GPR155: variants seen among roughly 807,000 people sequenced by gnomAD.
The protein encoded by GPR155 is lysosomal cholesterol signaling protein.
Under a neutral mutation model 93.1 loss-of-function variants are expected in GPR155, and 65 were observed. The ratio of observed to expected loss-of-function variants is 0.70; its 90% confidence interval spans 0.57 to 0.86. The LOEUF (loss-of-function observed/expected upper bound fraction) is 0.86. Among genes scored for constraint, GPR155 ranks in the 40% least tolerant of loss-of-function variants. The pLI, the probability that GPR155 is intolerant of heterozygous loss-of-function variation, is 0.00. For synonymous variants in GPR155, 319 were observed against 360.1 expected (o/e 0.89, Z 1.29); for missense variants, 838 against 1,034.8 (o/e 0.81, Z 2.61).
Position 174,473,145 on chromosome 2 carries a change from A to T in GPR155, c.680T>A (p.Ile227Asn). The T allele has an allele frequency of 1.9e-6, 3 of 1,611,894 alleles. No individual in the cohort carries two copies. Among genetic ancestry groups the T allele is most frequent in the Non-Finnish European group, 2.5e-6 (3 of 1,179,460 alleles). ...NPIVFMVFIG[I>N]AFNFILDRKV... ...TCGATCAAGAATAAAATTGAAGGCG[A>T]TGCCAATGAAGACCATAAATACTAT... Residue 227 changes from isoleucine to asparagine, a missense_variant, in exon 3 of 16, where the codon ATC becomes AAC. Coordinates refer to ENST00000392552, the MANE Select transcript of GPR155 (RefSeq NM_152529.7).
chr2:174,449,955 G>A (rs553969992), intron 11 of GPR155, among the ~76,000 whole-genome samples: 2 of 152,044 alleles, frequency 1.3e-5, no homozygotes, highest in East Asian at 1.9e-4. Context: ...CAGCCTGGAC[G>A]ACAGAGCGAG....
intron 15 of GPR155, 55 bp from the exon 16 acceptor site, chr2:174,436,471 C>A: frequency 2.0e-6 from 3 of 1,507,270 alleles, no homozygotes; most frequent in East Asian, 2.3e-5. Flanking sequence ...ATCAGCACTG[C>A]ATGATAGAGG....
intron 10 of GPR155, among the ~76,000 whole-genome samples, chr2:174,458,956 C>T (rs1266433467): frequency 6.6e-6 from 1 of 151,944 alleles, no homozygotes; most frequent in African/African-American, 2.4e-5. Flanking sequence ...GGCGTGGTGG[C>T]GTGCGACTGT....
At chr2:174,446,784 C>T (rs960624398) in intron 11 of GPR155, 37 bp from the exon 12 acceptor site, 5 of 1,595,918 alleles carry the variant, frequency 3.1e-6, no homozygotes, top group Admixed American at 3.5e-5. Flanking sequence ...GTAATCAGAG[C>T]TTTTTATCTA....
rs1686903021 is a variant in GPR155, at chr2:174,439,874, A to T, written c.2312+24T>A. On this transcript the variant is annotated intron_variant, in intron 15 of 15. Transcript: ENST00000392552. ...AATCATTTAAAATATAATTGTCTAG[A>T]ACCTGTACTGGCACTTTGCTTACCT... 3 of 1,598,010 alleles carry T rather than the reference A, an allele frequency of 1.9e-6. No individual in the cohort carries two copies. The East Asian group carries it at 6.7e-5, about 36-fold the overall frequency.
rs553908133 is a variant in GPR155 at position 174,449,217 on chromosome 2, A to T, written c.1877-2470T>A. Reference sequence around the variant, plus strand: ...TCAGTCAGAAGGGCTATTATTAAAAAATCAATAAACAACAGATGCTGGTGA... The same window carrying T: ...TCAGTCAGAAGGGCTATTATTAAAATATCAATAAACAACAGATGCTGGTGA... On this transcript the variant is annotated intron_variant, in intron 11 of 15. Coordinates refer to ENST00000392552, the MANE Select transcript of GPR155 (RefSeq NM_152529.7). Among the ~76,000 whole-genome samples, 4 of 152,304 alleles carry T rather than the reference A, an allele frequency of 2.6e-5. No homozygotes were observed. In the South Asian group the frequency reaches 8.3e-4, roughly 32 times the overall value.
At chr2:174,441,716 A>T (rs1048331201) in intron 14 of GPR155, among the ~76,000 whole-genome samples, 2 of 109,830 alleles carry the variant, frequency 1.8e-5, no homozygotes, top group African/African-American at 7.5e-5. Flanking sequence ...GAAAAACATC[A>T]GTATCTTTGT....
At chr2:174,486,018 G>A (rs1274877413) in intron 1 of GPR155, among the ~76,000 whole-genome samples, 4 of 152,204 alleles carry the variant, frequency 2.6e-5, no homozygotes, top group Non-Finnish European at 4.4e-5. Flanking sequence ...TGAAAATGCG[G>A]GGGGAAGGCG....
chr2:174,462,640 T>C (rs1412124591), intron 7 of GPR155, among the ~76,000 whole-genome samples: 2 of 152,190 alleles, frequency 1.3e-5, no homozygotes, highest in Non-Finnish European at 2.9e-5. Flanking sequence ...TACAGGACAA[T>C]TCTAAAAATA....
rs78653158 is a variant in GPR155 at position 174,440,032 on chromosome 2, A to G, written c.2178T>C (p.Leu726=). The change falls in exon 15 of 16, where the codon CTT becomes CTC. Residue 726 remains leucine (L), a synonymous_variant. Coordinates refer to ENST00000392552, the MANE Select transcript of GPR155 (RefSeq NM_152529.7). The stretch of plus-strand genomic sequence containing the variant: ...TGTCTTTATTGTTCCATAGGAATTC[A>G]AGTCTGAAAATCAAATTTATGGCCA... The part of the protein sequence containing the change: ...HLIILPFKRR[L]EFLWNNKDTA... The G allele has an allele frequency of 1.7e-3, 2,669 of 1,605,708 alleles. 43 individuals carry two copies. In the African/African-American group the frequency reaches 0.032, roughly 19 times the overall value.
chr2:174,473,270 A>T lies in GPR155; in HGVS notation c.555T>A (p.Phe185Leu), dbSNP rs1227036371. Residue 185 changes from phenylalanine (F) to leucine (L), a missense_variant, in exon 3 of 16, where the codon TTT becomes TTA. Phe to Leu is a conservative substitution (Grantham distance 22, BLOSUM62 0). Coordinates refer to ENST00000392552, the MANE Select transcript of GPR155 (RefSeq NM_152529.7). ...TCCACTTTTGGATTTCACAGAAAAT[A>T]AACCCTATAGGGTTTAACATCATAA... ...ISLMMLNPIG[F>L]IFCEIQKWKD... The T allele has an allele frequency of 6.2e-7, 1 of 1,612,610 alleles. No individual in the cohort carries two copies. Among genetic ancestry groups the T allele is most frequent in the Admixed American group, 1.7e-5 (1 of 60,008 alleles).
chr2:174,458,455 A>G (rs369757384), intron 10 of GPR155, among the ~76,000 whole-genome samples: 2 of 152,176 alleles, frequency 1.3e-5, no homozygotes, highest in African/African-American at 4.8e-5. Flanking sequence ...CTTAGGTAAT[A>G]CCCACAATTA....
chr2:174,475,048 C>G (rs1688107616), intron 2 of GPR155, among the ~76,000 whole-genome samples: 1 of 151,844 alleles, frequency 6.6e-6, no homozygotes, highest in Non-Finnish European at 1.5e-5. Context: ...GTAATCCCAG[C>G]ACTTTGGGAG....
intron 1 of GPR155, among the ~76,000 whole-genome samples, chr2:174,483,707 T>C (rs1688394443): frequency 6.6e-6 from 1 of 152,040 alleles, no homozygotes; most frequent in Non-Finnish European, 1.5e-5. Context: ...GCCTTAGCCT[T>C]CCCGAGTAGC....
At chr2:174,440,181 A>G in intron 14 of GPR155, 146 bp from the exon 15 acceptor site, 1 of 607,706 alleles carries the variant, frequency 1.6e-6, no homozygotes, top group South Asian at 2.2e-5. Flanking sequence ...CGTTAGTCTC[A>G]GAAGCAAAAA....
chr2:174,441,899 C>A (rs1178418661), intron 14 of GPR155, among the ~76,000 whole-genome samples: 1 of 148,834 alleles, frequency 6.7e-6, no homozygotes, highest in Admixed American at 6.8e-5. Flanking sequence ...CATGCCACCA[C>A]ACCTGGCTAA....
rs1574717332 is a variant in GPR155, at chr2:174,460,193, C to A, written c.1561-105G>T. ...TTTTTTTTTTTGAGATGGAGTCTTG[C>A]TCTGTCGCCCAGGCTGGAGTGCAGT... is the stretch of plus-strand genomic sequence containing the variant. On this transcript the variant is annotated intron_variant, in intron 9 of 15. Coordinates refer to ENST00000392552, the MANE Select transcript of GPR155 (RefSeq NM_152529.7). 7 of 700,318 alleles carry A rather than the reference C, an allele frequency of 1.0e-5. No homozygotes were observed. The East Asian group carries it at 2.1e-4, about 21-fold the overall frequency. The allele number at this position is 700,318 out of a possible 1,614,324, so 43.4% of individuals were successfully genotyped here. A position where few individuals can be genotyped will look rare whatever the true frequency, so the allele number is the denominator to read the frequency against.
intron 13 of GPR155, among the ~76,000 whole-genome samples, chr2:174,443,476 A>G (rs1033653536): frequency 2.0e-5 from 3 of 152,114 alleles, no homozygotes; most frequent in Non-Finnish European, 4.4e-5. Flanking sequence ...GCCCGTTAAT[A>G]CCAGCACTTT....
At chr2:174,486,657 C>T (rs960655027) in intron 1 of GPR155, among the ~76,000 whole-genome samples, 1 of 152,204 alleles carries the variant, frequency 6.6e-6, no homozygotes. Context: ...GAGACACCCC[C>T]TCCCCCGCGC....
Sources: allele counts gnomAD v4.1 joint callset (sites outside exome capture counted in the v4.1 genomes callset), GRCh38; gene constraint gnomAD v4.1.1; transcripts MANE v1.5; gene names NCBI Gene and HGNC (gene_info 2026-07-23, HGNC 2026-07-21).